NEK1: variants seen among roughly 807,000 people sequenced by gnomAD.
The protein encoded by NEK1 is serine/threonine-protein kinase Nek1.
In NEK1, 137 loss-of-function variants were observed where a neutral mutation model predicts 182.1. The ratio of observed to expected loss-of-function variants is 0.75; its 90% confidence interval spans 0.65 to 0.87. NEK1 has a LOEUF of 0.87. NEK1 is among the 40% of genes least tolerant of loss of function. The pLI, the probability that NEK1 is intolerant of heterozygous loss-of-function variation, is 0.00. For missense variants in NEK1, 1,391 were observed against 1,494.4 expected (o/e 0.93, Z 1.14); for synonymous variants, 513 against 492.2 (o/e 1.04, Z -0.56).
At chr4:169,492,545 G>A (rs959969897) in intron 23 of NEK1, among the ~76,000 whole-genome samples, 4 of 152,124 alleles carry the variant, frequency 2.6e-5, no homozygotes, top group African/African-American at 4.8e-5. Context: ...TATCGGTGGC[G>A]ATTAGAGGAC....
intron 23 of NEK1, among the ~76,000 whole-genome samples, chr4:169,484,530 G>GA (rs1748702461): frequency 6.6e-6 from 1 of 151,506 alleles, no homozygotes. Flanking sequence ...AATTAGAAAA[G>GA]AAAAAAGAAC....
chr4:169,529,855 T>A (rs1469210048), intron 19 of NEK1, among the ~76,000 whole-genome samples: 1 of 152,162 alleles, frequency 6.6e-6, no homozygotes, highest in African/African-American at 2.4e-5. Flanking sequence ...CAGTGACATA[T>A]TCCTATACAT....
At chr4:169,573,689 G>C (rs372648460) in intron 12 of NEK1, among the ~76,000 whole-genome samples, 6 of 152,320 alleles carry the variant, frequency 3.9e-5, no homozygotes, top group African/African-American at 1.4e-4. Context: ...CAGATGTTTT[G>C]GAGGCAGACT....
chr4:169,455,127 T>C (rs1479093611), intron 27 of NEK1, among the ~76,000 whole-genome samples: 1 of 152,028 alleles, frequency 6.6e-6, no homozygotes, highest in Non-Finnish European at 1.5e-5. Flanking sequence ...AACTGAACAA[T>C]GAGATTACTT....
intron 30 of NEK1, 88 bp from the exon 31 acceptor site, chr4:169,424,888 A>C: frequency 7.4e-7 from 1 of 1,353,942 alleles, no homozygotes; most frequent in Non-Finnish European, 9.8e-7. Context: ...TGTAACACAA[A>C]TTCTAGCAAA....
At chr4:169,562,079 TTC>T in intron 13 of NEK1, 56 bp downstream of exon 13, 1 of 1,346,044 alleles carries the variant, frequency 7.4e-7, no homozygotes, top group Non-Finnish European at 1.0e-6. Context: ...AAGATTTTGT[TTC>T]TTTTTTAAAA....
chr4:169,473,721 C>CA (rs545023122), intron 26 of NEK1, among the ~76,000 whole-genome samples: 71 of 151,718 alleles, frequency 4.7e-4, no homozygotes, highest in African/African-American at 1.7e-3. Flanking sequence ...ACCATCTCTC[C>CA]AAAAAATACG....
rs11270666 is a variant in NEK1, at chr4:169,590,321, T to TAGACAGACAGACAGACAGAC, written c.396+385_396+404dup. 7.0e-3 allele frequency among the ~76,000 whole-genome samples: 1,050 copies of TAGACAGACAGACAGACAGAC among 151,036 alleles called. 10 individuals carry two copies. The highest frequency in any genetic ancestry group is 0.024 in the African/African-American group (991 of 40,868). Reference sequence around the variant, plus strand: ...GAGACTCCGTCTCAAAAACAATAGATAGACAGACAGACAGACAGACAGACA... The same window carrying TAGACAGACAGACAGACAGAC: ...GAGACTCCGTCTCAAAAACAATAGATAGACAGACAGACAGACAGACAGACAGACAGACAGACAGACAGACA... On this transcript the variant is annotated intron_variant, in intron 6 of 35. Coordinates refer to ENST00000507142, the MANE Select transcript of NEK1 (RefSeq NM_001199397.3).
chr4:169,497,095 C>T (rs1751459334), intron 23 of NEK1, among the ~76,000 whole-genome samples: 1 of 152,052 alleles, frequency 6.6e-6, no homozygotes, highest in African/African-American at 2.4e-5. Flanking sequence ...TGTTATTGGT[C>T]TATTCAGGGA....
intron 35 of NEK1, among the ~76,000 whole-genome samples, chr4:169,396,365 C>CAAAAAAAAAAAAAAAAAAAAAAAAAAA (rs70961598): frequency 2.6e-5 from 1 of 38,052 alleles, no homozygotes; most frequent in Non-Finnish European, 4.5e-5. Context: ...GACTCCATCT[C>CAAAAAAAAAAAAAAAAAAAAAAAAAAA]AAAAAAAAAA....
chr4:169,512,254 G>C (rs1212847873), intron 19 of NEK1, among the ~76,000 whole-genome samples: 1 of 152,074 alleles, frequency 6.6e-6, no homozygotes, highest in Non-Finnish European at 1.5e-5. Flanking sequence ...TAGGTGACCA[G>C]TTTCTTCAAA....
chr4:169,452,058 C>T (rs923043668), intron 27 of NEK1, among the ~76,000 whole-genome samples: 2 of 152,108 alleles, frequency 1.3e-5, no homozygotes, highest in South Asian at 2.1e-4. Context: ...TTCCTGGACA[C>T]GTACTTACAT....
chr4:169,555,123 G>T (rs1215250134), intron 18 of NEK1: 2 of 152,292 alleles, frequency 1.3e-5, no homozygotes, highest in East Asian at 3.8e-4. Context: ...CATATATCAG[G>T]CTTCTGTATA....
At chr4:169,398,344 G>C (rs1731067084) in intron 35 of NEK1, among the ~76,000 whole-genome samples, 1 of 150,056 alleles carries the variant, frequency 6.7e-6, no homozygotes, top group Admixed American at 6.6e-5. Flanking sequence ...GGATTCTCAT[G>C]CCTGAAAAAA....
intron 23 of NEK1, among the ~76,000 whole-genome samples, chr4:169,494,816 T>A (rs866746036): frequency 6.6e-6 from 1 of 152,226 alleles, no homozygotes; most frequent in African/African-American, 2.4e-5. Context: ...GGTATCTCAT[T>A]GTGGTTTTGA....
At chr4:169,428,243 G>C (rs913781378) in intron 29 of NEK1, among the ~76,000 whole-genome samples, 7 of 151,242 alleles carry the variant, frequency 4.6e-5, no homozygotes, top group African/African-American at 1.7e-4. Flanking sequence ...TGAAAGCAAA[G>C]ACTCAAACAG....
At chr4:169,545,199 C>T (rs1434104177) in intron 18 of NEK1, among the ~76,000 whole-genome samples, 1 of 119,322 alleles carries the variant, frequency 8.4e-6, no homozygotes, top group Non-Finnish European at 1.7e-5. Flanking sequence ...GCTATCCCTC[C>T]CCCCTCCCCC....
chr4:169,510,201 G>A (rs1321253329), intron 19 of NEK1, among the ~76,000 whole-genome samples: 1 of 151,954 alleles, frequency 6.6e-6, no homozygotes, highest in Non-Finnish European at 1.5e-5. Context: ...CTCATCCCCA[G>A]GCTTTAACAT....
intron 12 of NEK1, among the ~76,000 whole-genome samples, chr4:169,566,302 A>G (rs146011655): frequency 2.4e-4 from 36 of 152,366 alleles, no homozygotes; most frequent in African/African-American, 8.2e-4. Flanking sequence ...TGCCTTACAT[A>G]TAAGATATTC....
Sources: allele counts gnomAD v4.1 joint callset (sites outside exome capture counted in the v4.1 genomes callset), GRCh38; gene constraint gnomAD v4.1.1; transcripts MANE v1.5; gene names NCBI Gene and HGNC (gene_info 2026-07-23, HGNC 2026-07-21).